Variants in TRIM2 observed in about 807,000 individuals in gnomAD.
TRIM2 encodes the protein tripartite motif containing 2, also known as tripartite motif-containing protein 2.
A neutral mutation model predicts 75.2 loss-of-function variants in TRIM2; 20 were observed. The observed-to-expected ratio is 0.27, with a 90% CI of 0.19 to 0.39. TRIM2 has a LOEUF of 0.39. TRIM2 is among the 10% of genes least tolerant of loss of function. The pLI is 1.00. For synonymous variants in TRIM2, 373 were observed against 388.3 expected, an observed-to-expected ratio of 0.96 and a Z score of 0.46; for missense variants, 660 against 990.8, an observed-to-expected ratio of 0.67 and a Z score of 4.48.
intron 2 of TRIM2, among the ~76,000 whole-genome samples, chr4:153,273,059 G>A (rs1055163344): frequency 1.8e-4 from 27 of 151,792 alleles, no homozygotes; most frequent in Admixed American, 1.4e-3. Flanking sequence ...GGATGGTCTC[G>A]ATCTCTTGAC....
At chr4:153,171,189 TAG>T (rs1380968922) in intron 1 of TRIM2, among the ~76,000 whole-genome samples, 3 of 152,220 alleles carry the variant, frequency 2.0e-5, no homozygotes, top group African/African-American at 4.8e-5. Flanking sequence ...TAAACTACTA[TAG>T]ATACTTATCC....
chr4:153,296,947 A>G (rs1452930786), intron 6 of TRIM2, among the ~76,000 whole-genome samples: 1 of 152,230 alleles, frequency 6.6e-6, no homozygotes, highest in East Asian at 1.9e-4. Context: ...TGGTTCAGAT[A>G]AATTTGGGAA....
intron 1 of TRIM2, among the ~76,000 whole-genome samples, chr4:153,196,267 C>CA (rs1386531082): frequency 3.5e-4 from 51 of 146,856 alleles, no homozygotes; most frequent in African/African-American, 1.3e-3. Context: ...CCTACCACCC[C>CA]CCCCCACACA....
intron 1 of TRIM2, among the ~76,000 whole-genome samples, chr4:153,260,307 CCGAG>C (rs1319099644): frequency 1.3e-5 from 2 of 151,962 alleles, no homozygotes; most frequent in Admixed American, 1.3e-4. Context: ...AGAGGAGACC[CCGAG>C]CATCTTGACT....
At chr4:153,224,035 CA>C (rs1425993389) in intron 1 of TRIM2, among the ~76,000 whole-genome samples, 1 of 152,012 alleles carries the variant, frequency 6.6e-6, no homozygotes, top group African/African-American at 2.4e-5. Context: ...GTTCCTTTCC[CA>C]GGGGGTGGGA....
rs567064555 is a variant in TRIM2, at chr4:153,268,091, G to C, written c.31-2244G>C. On this transcript the variant is annotated intron_variant, in intron 1 of 11. Coordinates refer to ENST00000338700, the MANE Select transcript of TRIM2 (RefSeq NM_015271.5). Reference sequence around the variant, plus strand: ...GTTTTCTTGCTGCCTTCTGTTCCTGGGTGGGATCACGGAACTTGTTGAGCC... The same window carrying C: ...GTTTTCTTGCTGCCTTCTGTTCCTGCGTGGGATCACGGAACTTGTTGAGCC... 3.8e-4 allele frequency among the ~76,000 whole-genome samples: 58 copies of C among 152,280 alleles called. 1 individual carries two copies. The South Asian group carries it at 0.012, about 32-fold the overall frequency.
At chr4:153,238,255 G>C (rs961810343) in intron 1 of TRIM2, among the ~76,000 whole-genome samples, 1 of 152,292 alleles carries the variant, frequency 6.6e-6, no homozygotes, top group Admixed American at 6.5e-5. Flanking sequence ...ATCATTTTTA[G>C]GGCAGATTTG....
chr4:153,258,431 G>A (rs576933500), intron 1 of TRIM2, among the ~76,000 whole-genome samples: 1 of 151,710 alleles, frequency 6.6e-6, no homozygotes, highest in Non-Finnish European at 1.5e-5. Context: ...GTTTTGGGTT[G>A]GTCCTTAGGT....
intron 1 of TRIM2, among the ~76,000 whole-genome samples, chr4:153,175,262 C>A (rs536959709): frequency 8.3e-4 from 126 of 152,196 alleles, no homozygotes; most frequent in African/African-American, 2.8e-3. Context: ...CCTCGTGATC[C>A]ACCCGCCTCG....
chr4:153,168,274 T>C (rs1178460674), intron 1 of TRIM2, among the ~76,000 whole-genome samples: 1 of 152,204 alleles, frequency 6.6e-6, no homozygotes, highest in Non-Finnish European at 1.5e-5. Context: ...AAGTTATCCA[T>C]GATATATTCT....
intron 11 of TRIM2, among the ~76,000 whole-genome samples, chr4:153,330,985 TAGG>T (rs1771351546): frequency 1.3e-5 from 2 of 152,134 alleles, no homozygotes; most frequent in African/African-American, 2.4e-5. Flanking sequence ...GTTCCTAGAA[TAGG>T]TGAGTTCAGC....
chr4:153,316,541 C>G (rs1019945739), intron 8 of TRIM2, among the ~76,000 whole-genome samples: 2 of 151,846 alleles, frequency 1.3e-5, no homozygotes, highest in Non-Finnish European at 2.9e-5. Flanking sequence ...TACATTGATA[C>G]AATCTGAAAA....
chr4:153,286,153 C>T (rs1760577588), intron 3 of TRIM2, among the ~76,000 whole-genome samples: 1 of 152,144 alleles, frequency 6.6e-6, no homozygotes, highest in Admixed American at 6.5e-5. Context: ...CTAGGTAAGC[C>T]ACCCTTGCAT....
Position 153,335,561 on chromosome 4 carries a change from C to G in TRIM2, c.*595C>G, listed in dbSNP as rs904538304. The G allele has an allele frequency of 2.0e-6, 2 of 985,268 alleles. No individual in the cohort carries two copies. Among genetic ancestry groups the G allele is most frequent in the African/African-American group, 3.5e-5 (2 of 57,220 alleles). The allele number at this position is 985,268 out of a possible 1,614,324, so 61.0% of individuals were successfully genotyped here. A position where few individuals can be genotyped will look rare whatever the true frequency, so the allele number is the denominator to read the frequency against. On this transcript the variant is annotated 3_prime_UTR_variant, in exon 12 of 12. Coordinates refer to ENST00000338700, the MANE Select transcript of TRIM2 (RefSeq NM_015271.5). Reference sequence around the variant, plus strand: ...CCTCTGGAGTTCAGAACTTAAGTATCAGTGCAAATTTCTCAACCTTTCTGG... The same window carrying G: ...CCTCTGGAGTTCAGAACTTAAGTATGAGTGCAAATTTCTCAACCTTTCTGG...
At chr4:153,215,541 G>A (rs1738245558) in intron 1 of TRIM2, among the ~76,000 whole-genome samples, 2 of 152,030 alleles carry the variant, frequency 1.3e-5, no homozygotes, top group African/African-American at 4.8e-5. Context: ...GGTGCATCTG[G>A]AGTGTTTGAA....
At chr4:153,276,963 A>C (rs1560935440) in intron 3 of TRIM2, among the ~76,000 whole-genome samples, 1 of 152,184 alleles carries the variant, frequency 6.6e-6, no homozygotes. Context: ...TTTTTTCATT[A>C]ATTACTTTAT....
intron 1 of TRIM2, chr4:153,222,561 C>T (rs1040690732): frequency 6.6e-6 from 1 of 152,122 alleles, no homozygotes; most frequent in Non-Finnish European, 1.5e-5. Flanking sequence ...GCTGTCGTGC[C>T]GGGCCTGAAA....
intron 1 of TRIM2, chr4:153,257,315 C>G: frequency 7.8e-6 from 6 of 767,068 alleles, no homozygotes; most frequent in Non-Finnish European, 9.9e-6. Context: ...AAGCCACCCA[C>G]GAATCTCATT....
chr4:153,337,485 G>A lies in TRIM2; in HGVS notation c.*2519G>A. 5.1e-6 allele frequency: 5 copies of A among 985,816 alleles called. No homozygotes were observed. Among genetic ancestry groups the A allele is most frequent in the African/African-American group, 3.5e-5 (2 of 57,324 alleles). The allele number at this position is 985,816 out of a possible 1,614,324, so 61.1% of individuals were successfully genotyped here. A position where few individuals can be genotyped will look rare whatever the true frequency, so the allele number is the denominator to read the frequency against. The stretch of plus-strand genomic sequence containing the variant: ...TATGTGTTGCTAAAACACATGCTAT[G>A]AGCACTCCAGGAAACACTATATTTT... On this transcript the variant is annotated 3_prime_UTR_variant, in exon 12 of 12. Coordinates refer to ENST00000338700, the MANE Select transcript of TRIM2 (RefSeq NM_015271.5).
Sources: gnomAD v4.1 joint callset for allele counts (sites outside exome capture counted in the v4.1 genomes callset) on GRCh38, gnomAD v4.1.1 for gene constraint, MANE v1.5 for transcripts, NCBI Gene and HGNC (gene_info 2026-07-23, HGNC 2026-07-21) for gene names.